The following SORCS3 variants were observed in gnomAD, a reference collection of about 807,000 sequenced individuals.
SORCS3 encodes VPS10 domain-containing receptor SorCS3.
A neutral mutation model predicts 146.3 loss-of-function variants in SORCS3; 57 were observed. The ratio of observed to expected loss-of-function variants is 0.39; its 90% CI spans 0.31 to 0.49. The LOEUF (loss-of-function observed/expected upper bound fraction) is 0.49. Among genes scored for constraint, SORCS3 ranks in the 20% least tolerant of loss-of-function variants. SORCS3 has a pLI of 0.92. For missense variants in SORCS3, 1,341 were observed against 1,575.5 expected, an observed-to-expected ratio of 0.85 and a Z score of 2.52; for synonymous variants, 653 against 618.5, an observed-to-expected ratio of 1.06 and a Z score of -0.83.
At chr10:104,996,902 G>A (rs567225165) in intron 4 of SORCS3, among the ~76,000 whole-genome samples, 2 of 152,260 alleles carry the variant, frequency 1.3e-5, no homozygotes, top group South Asian at 4.1e-4. Flanking sequence ...AGGAAAGTTA[G>A]CATCTCAAGA....
intron 5 of SORCS3, among the ~76,000 whole-genome samples, chr10:105,054,861 C>A (rs73340295): frequency 0.059 from 8,982 of 152,102 alleles, 289 homozygotes; most frequent in Middle Eastern, 0.088. Context: ...CAAATAAAAC[C>A]AAAATAGAAC....
chr10:104,913,844 C>T (rs1440871091), intron 2 of SORCS3, among the ~76,000 whole-genome samples: 1 of 146,872 alleles, frequency 6.8e-6, no homozygotes, highest in Admixed American at 6.9e-5. Flanking sequence ...GATCTCAGCT[C>T]ACTGCAACCT....
intron 20 of SORCS3, among the ~76,000 whole-genome samples, chr10:105,237,262 G>T (rs1425021920): frequency 6.6e-6 from 1 of 152,156 alleles, no homozygotes; most frequent in Non-Finnish European, 1.5e-5. Context: ...TGCCTTTAGT[G>T]AAGTCAAACC....
intron 2 of SORCS3, among the ~76,000 whole-genome samples, chr10:104,904,714 C>A (rs569133216): frequency 1.3e-5 from 2 of 151,550 alleles, no homozygotes; most frequent in African/African-American, 4.8e-5. Flanking sequence ...TTTGTAAACA[C>A]ACAAGAGTTA....
intron 10 of SORCS3, among the ~76,000 whole-genome samples, chr10:105,158,397 T>C (rs554873383): frequency 1.3e-5 from 2 of 152,210 alleles, no homozygotes; most frequent in South Asian, 4.1e-4. Context: ...AAATTATAAG[T>C]AAGAACAAAA....
At chr10:105,064,816 A>G (rs2055511942) in intron 5 of SORCS3, among the ~76,000 whole-genome samples, 1 of 150,934 alleles carries the variant, frequency 6.6e-6, no homozygotes, top group African/African-American at 2.4e-5. Context: ...GCCTGCCCAT[A>G]GTGAGGGCAG....
At chr10:104,834,388 G>A (rs923929919) in intron 1 of SORCS3, among the ~76,000 whole-genome samples, 7 of 152,036 alleles carry the variant, frequency 4.6e-5, no homozygotes, top group Admixed American at 2.0e-4. Flanking sequence ...CCTTGGTTAC[G>A]CTGGGCACAT....
chr10:104,646,517 A>G (rs770024647), intron 1 of SORCS3, among the ~76,000 whole-genome samples: 1 of 152,224 alleles, frequency 6.6e-6, no homozygotes, highest in Non-Finnish European at 1.5e-5. Context: ...TCATCTCATA[A>G]GGAGCAGAGA....
chr10:104,865,946 G>A (rs1428665597), intron 2 of SORCS3, among the ~76,000 whole-genome samples: 1 of 152,168 alleles, frequency 6.6e-6, no homozygotes, highest in Admixed American at 6.5e-5. Flanking sequence ...AGGCATGTAG[G>A]GGTCAGAGAA....
chr10:104,969,034 G>A (rs941957449), intron 3 of SORCS3, among the ~76,000 whole-genome samples: 1 of 152,190 alleles, frequency 6.6e-6, no homozygotes. Flanking sequence ...AAAAATTTGG[G>A]TGGACATGGG....
At position 104,941,748 on chromosome 10, in the gene SORCS3, A is replaced by G. The variant is rs565875622; in HGVS notation, c.795+25816A>G. ...GGTAGGTCTAGATTATAGAGAAGCAAAAATGACTGTGGCATTGGCTTCCAG... is the reference window on the plus strand; with the variant it reads ...GGTAGGTCTAGATTATAGAGAAGCAGAAATGACTGTGGCATTGGCTTCCAG... On this transcript the variant is annotated intron_variant, in intron 3 of 26. Transcript: ENST00000369701. Among the ~76,000 whole-genome samples the G allele has an allele frequency of 4.1e-4, 63 of 152,330 alleles. 1 individual carries two copies. In the South Asian group the frequency reaches 0.012, roughly 30 times the overall value.
intron 19 of SORCS3, among the ~76,000 whole-genome samples, chr10:105,221,733 C>A (rs889680273): frequency 2.0e-5 from 3 of 152,188 alleles, no homozygotes; most frequent in Non-Finnish European, 2.9e-5. Flanking sequence ...GGCCCCCAGG[C>A]TGAAGAGATG....
chr10:104,858,938 T>TAAA (rs3976791), intron 2 of SORCS3, among the ~76,000 whole-genome samples: 14,263 of 138,410 alleles, frequency 0.1, 1,187 homozygotes, highest in African/African-American at 0.22. Context: ...TGTACATTTA[T>TAAA]AAAAAAAAAA....
intron 4 of SORCS3, 72 bp downstream of exon 4, chr10:104,977,565 A>T: frequency 2.1e-6 from 3 of 1,404,312 alleles, no homozygotes; most frequent in Non-Finnish European, 2.9e-6. Context: ...TGCTTGCTTA[A>T]TCCACATTTT....
At chr10:104,683,061 C>T (rs982009597) in intron 1 of SORCS3, among the ~76,000 whole-genome samples, 1 of 152,176 alleles carries the variant, frequency 6.6e-6, no homozygotes, top group South Asian at 2.1e-4. Flanking sequence ...CTCAGGGCCT[C>T]ACAGACCACA....
intron 3 of SORCS3, among the ~76,000 whole-genome samples, chr10:104,952,072 G>A (rs7919740): frequency 0.19 from 29,124 of 150,168 alleles, 3,515 homozygotes; most frequent in African/African-American, 0.33. Flanking sequence ...TCTAGTGTCC[G>A]TCTCCTACAC....
intron 5 of SORCS3, among the ~76,000 whole-genome samples, chr10:105,050,488 G>A (rs1423219470): frequency 1.3e-5 from 2 of 152,102 alleles, no homozygotes; most frequent in African/African-American, 4.8e-5. Context: ...TGGCCTGACA[G>A]CTTAGTTCTA....
intron 20 of SORCS3, among the ~76,000 whole-genome samples, chr10:105,240,261 A>C (rs527736227): frequency 6.6e-6 from 1 of 152,336 alleles, no homozygotes; most frequent in South Asian, 2.1e-4. Context: ...ATCTTAAGAG[A>C]GGGCAGAAAA....
intron 3 of SORCS3, among the ~76,000 whole-genome samples, chr10:104,959,838 C>A (rs983214140): frequency 5.3e-5 from 8 of 152,194 alleles, no homozygotes; most frequent in African/African-American, 1.4e-4. Flanking sequence ...CACAGCCTGA[C>A]TACTTATTGT....
Sources: gnomAD v4.1 joint callset for allele counts (sites outside exome capture counted in the v4.1 genomes callset) on GRCh38, gnomAD v4.1.1 for gene constraint, MANE v1.5 for transcripts, NCBI Gene and HGNC (gene_info 2026-07-23, HGNC 2026-07-21) for gene names.